Variants in ERAP2 observed in about 807,000 individuals in gnomAD.
The protein encoded by ERAP2 is endoplasmic reticulum aminopeptidase 2, also known as leukocyte-derived arginine aminopeptidase.
A neutral mutation model predicts 111.1 loss-of-function variants in ERAP2; 118 were observed. The observed-to-expected ratio is 1.06, with a 90% confidence interval of 0.92 to 1.24. The LOEUF is 1.24. Among genes scored for constraint, ERAP2 ranks in the 50% most tolerant of loss-of-function variants. The pLI is 0.00. For synonymous variants in ERAP2, 410 were observed against 401.2 expected, an observed-to-expected ratio of 1.02 and a Z score of -0.26; for missense variants, 1,131 against 1,125.8, an observed-to-expected ratio of 1.00 and a Z score of -0.07.
intron 13 of ERAP2, 36 bp downstream of exon 13, chr5:96,903,596 AC>A (rs756213707): frequency 6.5e-7 from 1 of 1,540,056 alleles, no homozygotes. Flanking sequence ...ATGCAAAATA[AC>A]TGATTCGTAA....
chr5:96,883,982 T>C (rs1407403839), intron 3 of ERAP2, 52 bp downstream of exon 3: 4 of 1,511,114 alleles, frequency 2.6e-6, no homozygotes, highest in African/African-American at 1.4e-5. Flanking sequence ...TGAGACTCAG[T>C]CTTCGTTTGT....
chr5:96,893,705 A>C (rs933014508), intron 6 of ERAP2, among the ~76,000 whole-genome samples: 1 of 152,008 alleles, frequency 6.6e-6, no homozygotes, highest in African/African-American at 2.4e-5. Flanking sequence ...TTTTGCCCCC[A>C]CTTTTTTGTC....
At chr5:96,906,819 G>C (rs901869567) in intron 13 of ERAP2, among the ~76,000 whole-genome samples, 2 of 152,196 alleles carry the variant, frequency 1.3e-5, no homozygotes, top group African/African-American at 2.4e-5. Flanking sequence ...ATCACCTGAG[G>C]TCAGGAGTTC....
At chr5:96,908,099 A>G (rs1356184478) in intron 13 of ERAP2, among the ~76,000 whole-genome samples, 8 of 152,214 alleles carry the variant, frequency 5.3e-5, no homozygotes, top group Admixed American at 2.6e-4. Context: ...AATTTAAAAC[A>G]TGTATAAGCC....
chr5:96,890,456 C>T lies in ERAP2; in HGVS notation c.970+1151C>T, dbSNP rs1282525988. Among the ~76,000 whole-genome samples the T allele has an allele frequency of 2.6e-5, 4 of 152,198 alleles. No individual in the cohort carries two copies. In the East Asian group the frequency reaches 7.7e-4, roughly 29 times the overall value. ...CACCTCCTGCCATGCAGCCCAGTTTCTAATAGGCCATTGACAGGTACTGGT... is the reference window on the plus strand; with the variant it reads ...CACCTCCTGCCATGCAGCCCAGTTTTTAATAGGCCATTGACAGGTACTGGT... On this transcript the variant is annotated intron_variant, in intron 5 of 18. Transcript: ENST00000437043.
chr5:96,900,246 G>A, intron 10 of ERAP2, 57 bp downstream of exon 10: 1 of 1,608,850 alleles, frequency 6.2e-7, no homozygotes, highest in Non-Finnish European at 8.5e-7. Flanking sequence ...CTGACCTAGA[G>A]TGAGTATGAC....
At chr5:96,884,682 C>T (rs1256081704) in intron 3 of ERAP2, among the ~76,000 whole-genome samples, 1 of 151,834 alleles carries the variant, frequency 6.6e-6, no homozygotes, top group African/African-American at 2.4e-5. Context: ...CTCAGCCTCC[C>T]AAGTAGCTGG....
chr5:96,912,019 C>T (rs1225629606), intron 15 of ERAP2, among the ~76,000 whole-genome samples: 4 of 149,738 alleles, frequency 2.7e-5, no homozygotes, highest in Non-Finnish European at 5.9e-5. Flanking sequence ...GTAACCCCGT[C>T]TCTACTAAAA....
chr5:96,909,283 A>G (rs747886545), intron 14 of ERAP2, among the ~76,000 whole-genome samples, 166 bp downstream of exon 14: 14 of 152,214 alleles, frequency 9.2e-5, no homozygotes, highest in Non-Finnish European at 2.1e-4. Flanking sequence ...ACCATTGCCA[A>G]TCCTAAGAGC....
chr5:96,886,863 T>C, intron 4 of ERAP2, 74 bp downstream of exon 4: 1 of 1,251,710 alleles, frequency 8.0e-7, no homozygotes, highest in Non-Finnish European at 1.0e-6. Context: ...TTTTCTCATG[T>C]TTTTCATTGT....
intron 9 of ERAP2, 71 bp from the exon 10 acceptor site, chr5:96,900,050 C>T: frequency 6.5e-7 from 1 of 1,537,134 alleles, no homozygotes; most frequent in Non-Finnish European, 9.0e-7. Context: ...TGCCTGCATC[C>T]ATGGCTAATG....
intron 3 of ERAP2, 33 bp downstream of exon 3, chr5:96,883,963 T>C (rs1351162617): frequency 6.5e-7 from 1 of 1,548,002 alleles, no homozygotes; most frequent in Non-Finnish European, 8.7e-7. Context: ...TTAGAAATTG[T>C]TCTCAAGTTG....
intron 2 of ERAP2, chr5:96,881,454 T>G: frequency 2.2e-6 from 1 of 456,236 alleles, no homozygotes; most frequent in Non-Finnish European, 4.4e-6. Context: ...ACGGCTTGGT[T>G]TCCCAGGGCC....
rs927992446 is a variant in ERAP2 at position 96,918,150 on chromosome 5, T to C, written c.*545T>C. ...GTGGTGGGGGAAGGCCAGTTCAGTA[T>C]CCTATTTAAAAGTAAACTTCCTGAA... is the stretch of plus-strand genomic sequence containing the variant. On this transcript the variant is annotated 3_prime_UTR_variant, in exon 19 of 19. Coordinates refer to ENST00000437043, the MANE Select transcript of ERAP2 (RefSeq NM_022350.5). 9 of 152,434 alleles carry C rather than the reference T, an allele frequency of 5.9e-5. 1 individual carries two copies. The highest frequency in any genetic ancestry group is 5.6e-4 in the East Asian group (3 of 5,312). The allele number at this position is 152,434 out of a possible 1,614,324, so 9.4% of individuals were successfully genotyped here. A position where few individuals can be genotyped will look rare whatever the true frequency, so the allele number is the denominator to read the frequency against.
At chr5:96,878,682 C>A (rs1215112257) in intron 1 of ERAP2, among the ~76,000 whole-genome samples, 2 of 152,034 alleles carry the variant, frequency 1.3e-5, no homozygotes, top group Admixed American at 1.3e-4. Flanking sequence ...GATCTCAGCA[C>A]TTTGGGAGGC....
At chr5:96,899,067 C>G (rs976457110) in intron 9 of ERAP2, among the ~76,000 whole-genome samples, 3 of 152,142 alleles carry the variant, frequency 2.0e-5, no homozygotes, top group African/African-American at 7.2e-5. Context: ...TTTAGGCCAG[C>G]AGTGTAAATT....
At chr5:96,911,672 G>A (rs79712831) in intron 15 of ERAP2, among the ~76,000 whole-genome samples, 3 of 151,736 alleles carry the variant, frequency 2.0e-5, no homozygotes, top group Admixed American at 2.0e-4. Flanking sequence ...AGGAATTTGA[G>A]ACCAGCCTTG....
intron 3 of ERAP2, among the ~76,000 whole-genome samples, chr5:96,885,179 C>CCATAGTCT (rs1486114747): frequency 6.6e-6 from 1 of 152,168 alleles, no homozygotes; most frequent in Non-Finnish European, 1.5e-5. Context: ...ACGTATTTCC[C>CCATAGTCT]CATAGTCTCA....
rs267600745 is a variant in ERAP2 at position 96,901,575 on chromosome 5, C to G, written c.1642C>G (p.Pro548Ala). ...TACATGGACTCTCCAGAAAGGAATC[C>G]CCCTGCTGGTGGTTAAACAAGACGG... is the stretch of plus-strand genomic sequence containing the variant. ...MTTWTLQKGI[P>A]LLVVKQDGCS... The change falls in exon 11 of 19, where the codon CCC (proline) becomes GCC (alanine). Residue 548 changes from proline (P) to alanine (A), a missense_variant. By Grantham distance (27) the Pro-to-Ala change is conservative (BLOSUM62 -1). Transcript: ENST00000437043. 1.2e-6 allele frequency: 2 copies of G among 1,613,960 alleles called. No individual in the cohort carries two copies. Among genetic ancestry groups the G allele is most frequent in the African/African-American group, 2.7e-5 (2 of 74,874 alleles).
Sources: gnomAD v4.1 joint callset for allele counts (sites outside exome capture counted in the v4.1 genomes callset) on GRCh38, gnomAD v4.1.1 for gene constraint, MANE v1.5 for transcripts, NCBI Gene and HGNC (gene_info 2026-07-23, HGNC 2026-07-21) for gene names.